Variants in SLC39A10 observed in about 807,000 individuals in gnomAD.
The protein encoded by SLC39A10 is zinc transporter ZIP10.
In SLC39A10, 13 loss-of-function variants were observed where a neutral mutation model predicts 65.1. The observed-to-expected ratio is 0.20, with a 90% confidence interval of 0.13 to 0.32. The LOEUF (loss-of-function observed/expected upper bound fraction) is 0.32. Among genes scored for constraint, SLC39A10 ranks in the 10% least tolerant of loss-of-function variants. The pLI, the probability that SLC39A10 is intolerant of heterozygous loss-of-function variation, is 1.00. For missense variants in SLC39A10, 831 were observed against 1,018.4 expected (o/e 0.82, Z 2.50); for synonymous variants, 321 against 342.2 (o/e 0.94, Z 0.68).
chr2:195,665,848 TCTTTCA>T, intron 1 of SLC39A10, among the ~76,000 whole-genome samples: 1 of 152,338 alleles, frequency 6.6e-6, no homozygotes, highest in East Asian at 1.9e-4. Flanking sequence ...ATTTTAGTGC[TCTTTCA>T]CTTCTGTGCA....
At chr2:195,623,321 T>C (rs1043418982) in intron 2 of SLC39A10, among the ~76,000 whole-genome samples, 6 of 152,210 alleles carry the variant, frequency 3.9e-5, no homozygotes, top group African/African-American at 1.4e-4. Flanking sequence ...AATAGGAGTT[T>C]CCCTCCTAAG....
chr2:195,614,589 A>G (rs976800197), intron 2 of SLC39A10, among the ~76,000 whole-genome samples: 1 of 152,172 alleles, frequency 6.6e-6, no homozygotes, highest in Non-Finnish European at 1.5e-5. Flanking sequence ...GGCTTTTGGT[A>G]TTAATGTTAA....
intron 3 of SLC39A10, among the ~76,000 whole-genome samples, chr2:195,701,466 G>T (rs1376827669): frequency 2.2e-4 from 15 of 67,996 alleles, no homozygotes; most frequent in South Asian, 8.6e-4. Flanking sequence ...TTTTTAATGT[G>T]CCTTGCTTTT....
intron 3 of SLC39A10, among the ~76,000 whole-genome samples, chr2:195,690,508 A>G (rs1690697095): frequency 6.6e-6 from 1 of 152,186 alleles, no homozygotes; most frequent in South Asian, 2.1e-4. Context: ...AGAGTGCACA[A>G]GTCTCCCAGT....
intron 2 of SLC39A10, among the ~76,000 whole-genome samples, chr2:195,633,188 G>A (rs1246855014): frequency 1.3e-5 from 2 of 152,312 alleles, no homozygotes; most frequent in Admixed American, 6.5e-5. Flanking sequence ...ACCCCTTCAT[G>A]GGCAGGAACT....
upstream of SLC39A10, chr2:195,656,909 C>G (rs1431103197): frequency 3.9e-5 from 6 of 152,284 alleles, no homozygotes; most frequent in Non-Finnish European, 7.3e-5. Flanking sequence ...CCCAACTCCC[C>G]CGCGGCGTTC....
intron 3 of SLC39A10, among the ~76,000 whole-genome samples, chr2:195,698,472 T>C (rs1283587726): frequency 6.6e-6 from 1 of 152,092 alleles, no homozygotes; most frequent in Non-Finnish European, 1.5e-5. Flanking sequence ...ATATGGCTTT[T>C]ATTATGTAAG....
intron 4 of SLC39A10, among the ~76,000 whole-genome samples, chr2:195,707,614 G>T (rs1358485320): frequency 6.6e-6 from 1 of 151,060 alleles, no homozygotes; most frequent in Non-Finnish European, 1.5e-5. Flanking sequence ...TAATAAACAG[G>T]TTAATGAATC....
intron 3 of SLC39A10, among the ~76,000 whole-genome samples, chr2:195,685,731 C>G (rs1309630291): frequency 2.6e-5 from 4 of 152,140 alleles, no homozygotes; most frequent in African/African-American, 9.7e-5. Flanking sequence ...CTAGATGTCT[C>G]CCTCATAGTA....
At chr2:195,613,871 C>T (rs868337888) in intron 2 of SLC39A10, among the ~76,000 whole-genome samples, 3 of 152,058 alleles carry the variant, frequency 2.0e-5, no homozygotes, top group Admixed American at 2.0e-4. Flanking sequence ...AACTATTTTC[C>T]GTTTAAATTT....
intron 8 of SLC39A10, among the ~76,000 whole-genome samples, chr2:195,725,697 A>G (rs9288251): frequency 0.52 from 78,819 of 151,694 alleles, 21,074 homozygotes; most frequent in Non-Finnish European, 0.6. Context: ...TGCCAAAAAC[A>G]GTGAACAACT....
chr2:195,623,901 CCACACACACACACACA>C (rs67959883), intron 2 of SLC39A10, among the ~76,000 whole-genome samples: 4 of 142,846 alleles, frequency 2.8e-5, no homozygotes, highest in South Asian at 4.7e-4. Context: ...AAACAAAAAA[CCACACACACACACACA>C]CACACACACA....
chr2:195,705,181 C>T (rs1369911141), intron 3 of SLC39A10, among the ~76,000 whole-genome samples: 1 of 152,148 alleles, frequency 6.6e-6, no homozygotes, highest in South Asian at 2.1e-4. Context: ...GAATTGAGTT[C>T]CTGCTCCTTC....
chr2:195,707,339 T>C (rs907885609), intron 4 of SLC39A10, among the ~76,000 whole-genome samples: 6 of 152,200 alleles, frequency 3.9e-5, no homozygotes, highest in African/African-American at 1.4e-4. Context: ...CTCTATAACC[T>C]ATCAATAGTT....
intron 2 of SLC39A10, 63 bp from the exon 3 acceptor site, chr2:195,683,636 A>T: frequency 1.6e-6 from 2 of 1,256,810 alleles, no homozygotes; most frequent in Non-Finnish European, 2.3e-6. Context: ...GCAGTAATTT[A>T]TTTTTTTGCA....
At position 195,660,612 on chromosome 2, in the gene SLC39A10, C is replaced by A. The variant is rs115186065; in HGVS notation, c.-12+3331C>A. 3.5e-3 allele frequency among the ~76,000 whole-genome samples: 538 copies of A among 152,182 alleles called. 3 individuals are homozygous for A. Among genetic ancestry groups the A allele is most frequent in the African/African-American group, 0.012 (517 of 41,518 alleles). ...TAGTTAGTGTTGCTAATAAGATGGACGTAAGTGTTTTTGAACTGGTGAATT... is the reference window on the plus strand; with the variant it reads ...TAGTTAGTGTTGCTAATAAGATGGAAGTAAGTGTTTTTGAACTGGTGAATT... On this transcript the variant is annotated intron_variant, in intron 1 of 9. Coordinates refer to ENST00000359634, the MANE Select transcript of SLC39A10 (RefSeq NM_020342.3).
At chr2:195,719,587 C>G in intron 8 of SLC39A10, among the ~76,000 whole-genome samples, 1 of 151,644 alleles carries the variant, frequency 6.6e-6, no homozygotes. Flanking sequence ...CTTGTTGCCA[C>G]AACCCTCCCA....
At chr2:195,726,216 C>T (rs960688549) in intron 8 of SLC39A10, among the ~76,000 whole-genome samples, 5 of 152,084 alleles carry the variant, frequency 3.3e-5, no homozygotes, top group Non-Finnish European at 2.9e-5. Context: ...ATTTTGTACC[C>T]ATGACACCGT....
rs1253156351 is a variant in SLC39A10 at position 195,737,173 on chromosome 2, A to G, written c.*2132A>G. ...TAAGAGGGCTGTAACAGTTGCTGCT[A>G]GTATTAGGGTTCCACATCATTCTAA... On this transcript the variant is annotated 3_prime_UTR_variant, in exon 10 of 10. Coordinates refer to ENST00000359634, the MANE Select transcript of SLC39A10 (RefSeq NM_020342.3). 1 of 152,406 alleles carries G rather than the reference A, an allele frequency of 6.6e-6. No homozygotes were observed. Among genetic ancestry groups the G allele is most frequent in the Non-Finnish European group, 1.5e-5 (1 of 68,038 alleles). The allele number at this position is 152,406 out of a possible 1,614,324, so 9.4% of individuals were successfully genotyped here.
Sources: gnomAD v4.1 joint callset for allele counts (sites outside exome capture counted in the v4.1 genomes callset) on GRCh38, gnomAD v4.1.1 for gene constraint, MANE v1.5 for transcripts, NCBI Gene and HGNC (gene_info 2026-07-23, HGNC 2026-07-21) for gene names.